The following RGL1 variants were observed in gnomAD, a reference collection of about 807,000 sequenced individuals.
RGL1 encodes ral guanine nucleotide dissociation stimulator-like 1.
In RGL1, 24 loss-of-function variants were observed where a neutral mutation model predicts 95.2. The ratio of observed to expected loss-of-function variants is 0.25; its 90% confidence interval spans 0.18 to 0.35. The LOEUF (loss-of-function observed/expected upper bound fraction) is 0.35, where lower values mean the gene tolerates loss of function less well. RGL1 is among the 10% of genes least tolerant of loss of function. The probability of loss-of-function intolerance (pLI) is 1.00; values close to 1 mark genes in which losing one functional copy is unlikely to be tolerated. For missense variants in RGL1, 715 were observed against 936.3 expected, an observed-to-expected ratio of 0.76 and a Z score of 3.08; for synonymous variants, 329 against 344.9, an observed-to-expected ratio of 0.95 and a Z score of 0.51.
chr1:183,651,070 G>A (rs1650715343), intron 1 of RGL1, among the ~76,000 whole-genome samples: 1 of 152,062 alleles, frequency 6.6e-6, no homozygotes, highest in Admixed American at 6.6e-5. Flanking sequence ...GGTTTATACA[G>A]CCTTTTAATT....
At chr1:183,710,322 C>A (rs945484147) in intron 1 of RGL1, 1 of 157,598 alleles carries the variant, frequency 6.3e-6, no homozygotes, top group Non-Finnish European at 1.4e-5. Flanking sequence ...CTCTCCAAGA[C>A]CTATGAAGGT....
chr1:183,746,836 C>A (rs1410482355), intron 2 of RGL1, among the ~76,000 whole-genome samples: 1 of 151,934 alleles, frequency 6.6e-6, no homozygotes, highest in Non-Finnish European at 1.5e-5. Context: ...GTGATGTTCC[C>A]CTCCCTGTGT....
chr1:183,849,482 A>ATTTT (rs150367802), intron 3 of RGL1, among the ~76,000 whole-genome samples: 1 of 99,360 alleles, frequency 1.0e-5, no homozygotes, highest in African/African-American at 3.8e-5. Context: ...TCCAGTTTTT[A>ATTTT]GTTTTTTTTT....
chr1:183,789,059 C>T (rs558928260), intron 2 of RGL1, among the ~76,000 whole-genome samples: 1 of 152,328 alleles, frequency 6.6e-6, no homozygotes, highest in South Asian at 2.1e-4. Flanking sequence ...TTTCTCTCAA[C>T]ATTTATCATA....
chr1:183,683,562 G>C (rs1653367137), intron 1 of RGL1, among the ~76,000 whole-genome samples: 1 of 152,114 alleles, frequency 6.6e-6, no homozygotes, highest in Non-Finnish European at 1.5e-5. Flanking sequence ...TTCCCTTTGT[G>C]GGTAACCCGA....
At position 183,916,577 on chromosome 1, in the gene RGL1, C is replaced by G; in HGVS notation, c.1880C>G (p.Ser627Cys). The G allele has an allele frequency of 6.2e-7, 1 of 1,614,000 alleles. No individual in the cohort carries two copies. Among genetic ancestry groups the G allele is most frequent in the South Asian group, 1.1e-5 (1 of 91,026 alleles). The change falls in exon 16 of 18, where the codon TCT becomes TGT. Residue 627 changes from serine to cysteine, a missense_variant. Physicochemically the swap from Ser to Cys is moderately radical, Grantham distance 112. Coordinates refer to ENST00000360851, the MANE Select transcript of RGL1 (RefSeq NM_001297671.3). ...AACAACCCCAAAATCCACAAGCGCTCTGTCTCGGTGACGTCCATTACCTCG... is the reference window on the plus strand; with the variant it reads ...AACAACCCCAAAATCCACAAGCGCTGTGTCTCGGTGACGTCCATTACCTCG... The part of the protein sequence containing the change: ...CNNNPKIHKR[S>C]VSVTSITSTV...
At chr1:183,756,719 A>G (rs1021365604) in intron 2 of RGL1, among the ~76,000 whole-genome samples, 7 of 152,106 alleles carry the variant, frequency 4.6e-5, no homozygotes, top group Non-Finnish European at 7.4e-5. Flanking sequence ...CTCTCCAACT[A>G]GACTGTCTGT....
intron 9 of RGL1, among the ~76,000 whole-genome samples, chr1:183,896,689 C>T (rs568747494): frequency 2.0e-5 from 3 of 152,212 alleles, no homozygotes; most frequent in African/African-American, 7.2e-5. Context: ...TTTACCCCCC[C>T]ATTCATGCAG....
At chr1:183,675,296 T>G (rs1186467918) in intron 1 of RGL1, among the ~76,000 whole-genome samples, 2 of 131,644 alleles carry the variant, frequency 1.5e-5, no homozygotes, top group African/African-American at 7.0e-5. Context: ...CTATATGGTT[T>G]TTTTTTTTCT....
At chr1:183,832,211 A>C (rs149764110) in intron 2 of RGL1, among the ~76,000 whole-genome samples, 155 of 152,314 alleles carry the variant, frequency 1.0e-3, no homozygotes, top group African/African-American at 3.7e-3. Context: ...GGGACGATAT[A>C]GGAGATGGAA....
intron 17 of RGL1, among the ~76,000 whole-genome samples, chr1:183,924,773 G>A (rs1286146908): frequency 7.5e-5 from 11 of 147,080 alleles, no homozygotes; most frequent in Middle Eastern, 3.6e-3. Flanking sequence ...GGTGAAACCC[G>A]CCTCTACTAA....
chr1:183,747,765 T>C (rs1657734779), intron 2 of RGL1, among the ~76,000 whole-genome samples: 1 of 152,248 alleles, frequency 6.6e-6, no homozygotes, highest in Non-Finnish European at 1.5e-5. Flanking sequence ...TTCACATCGA[T>C]GTTCATCAGG....
At chr1:183,750,290 A>G in intron 2 of RGL1, among the ~76,000 whole-genome samples, 1 of 151,236 alleles carries the variant, frequency 6.6e-6, no homozygotes, top group East Asian at 1.9e-4. Context: ...TCTTGTCTTC[A>G]CTCTTTATTT....
At chr1:183,682,996 CTT>C (rs199767393) in intron 1 of RGL1, among the ~76,000 whole-genome samples, 3 of 145,130 alleles carry the variant, frequency 2.1e-5, no homozygotes, top group Admixed American at 6.9e-5. Context: ...GCAACCCCTT[CTT>C]TTTTTTTTTG....
chr1:183,668,625 T>A (rs561850167), intron 1 of RGL1, among the ~76,000 whole-genome samples: 1 of 152,236 alleles, frequency 6.6e-6, no homozygotes, highest in Non-Finnish European at 1.5e-5. Flanking sequence ...TTTTTCTTTA[T>A]GTTTAATTTT....
At chr1:183,885,935 T>A (rs1667082035) in intron 7 of RGL1, among the ~76,000 whole-genome samples, 2 of 151,986 alleles carry the variant, frequency 1.3e-5, no homozygotes, top group Non-Finnish European at 1.5e-5. Context: ...TTTTGGTATT[T>A]GAAGATTAGA....
intron 2 of RGL1, among the ~76,000 whole-genome samples, chr1:183,843,629 T>C (rs1470172934): frequency 6.6e-6 from 1 of 152,198 alleles, no homozygotes; most frequent in African/African-American, 2.4e-5. Flanking sequence ...ATAAGAAGGA[T>C]TTAGAATTAA....
intron 1 of RGL1, among the ~76,000 whole-genome samples, chr1:183,655,682 C>G (rs571456055): frequency 2.0e-5 from 3 of 152,180 alleles, no homozygotes; most frequent in Non-Finnish European, 4.4e-5. Flanking sequence ...GCAGCACAGT[C>G]TTAACAGCAG....
rs747169419 is a variant in RGL1 at position 183,914,611 on chromosome 1, C to T, written c.1750-1836C>T. On this transcript the variant is annotated intron_variant, in intron 15 of 17. Coordinates refer to ENST00000360851, the MANE Select transcript of RGL1 (RefSeq NM_001297671.3). ...CCACAGGCTGCACTGTGAGGTTGCT[C>T]TTAAGGGTGAAGTGTAATTTATTTG... Among the ~76,000 whole-genome samples the T allele has an allele frequency of 2.6e-5, 4 of 152,284 alleles. No homozygotes were observed. The South Asian group carries it at 6.2e-4, about 24-fold the overall frequency.
Sources: gnomAD v4.1 joint callset for allele counts (sites outside exome capture counted in the v4.1 genomes callset) on GRCh38, gnomAD v4.1.1 for gene constraint, MANE v1.5 for transcripts, NCBI Gene and HGNC (gene_info 2026-07-23, HGNC 2026-07-21) for gene names.